LRRFIP2: variants seen among roughly 807,000 people sequenced by gnomAD.
LRRFIP2 encodes LRR binding FLII interacting protein 2, also known as leucine-rich repeat flightless-interacting protein 2.
In LRRFIP2, 109 loss-of-function variants were observed where a neutral mutation model predicts 125.9. The ratio of observed to expected loss-of-function variants is 0.87; its 90% CI spans 0.74 to 1.01. The LOEUF is 1.01. Among genes scored for constraint, LRRFIP2 ranks in the 50% least tolerant of loss-of-function variants. The pLI is 0.00. For synonymous variants in LRRFIP2, 291 were observed against 293.1 expected, an observed-to-expected ratio of 0.99 and a Z score of 0.07; for missense variants, 850 against 862.3, an observed-to-expected ratio of 0.99 and a Z score of 0.18.
At chr3:37,170,042 T>G (rs1207373115) in intron 1 of LRRFIP2, among the ~76,000 whole-genome samples, 1 of 152,088 alleles carries the variant, frequency 6.6e-6, no homozygotes, top group Non-Finnish European at 1.5e-5. Flanking sequence ...AAAGAAAAAC[T>G]AGTTTATTTT....
At chr3:37,103,238 T>G (rs1390670096) in intron 14 of LRRFIP2, among the ~76,000 whole-genome samples, 1 of 152,206 alleles carries the variant, frequency 6.6e-6, no homozygotes, top group Admixed American at 6.5e-5. Flanking sequence ...TTTACTCATC[T>G]TAACTAGAGT....
At chr3:37,090,311 C>A (rs1160125505) in intron 18 of LRRFIP2, among the ~76,000 whole-genome samples, 1 of 152,160 alleles carries the variant, frequency 6.6e-6, no homozygotes, top group East Asian at 1.9e-4. Flanking sequence ...TCACTGCAAC[C>A]TCCACCTTCC....
intron 18 of LRRFIP2, among the ~76,000 whole-genome samples, chr3:37,090,053 G>T (rs144745824): frequency 2.0e-5 from 3 of 152,264 alleles, no homozygotes; most frequent in African/African-American, 7.2e-5. Flanking sequence ...CATATCACTT[G>T]CATGAAGAGT....
intron 14 of LRRFIP2, among the ~76,000 whole-genome samples, chr3:37,103,907 C>T (rs1009285261): frequency 2.6e-5 from 4 of 152,094 alleles, no homozygotes; most frequent in Admixed American, 2.6e-4. Flanking sequence ...TTGAATACAA[C>T]AGGTACTCCA....
At position 37,121,672 on chromosome 3, in the gene LRRFIP2, C is replaced by G; in HGVS notation, c.248G>C (p.Arg83Thr). ...ATGGTGACTGGACCGGTGGGAATACCTGGCCCTTTCCGAATCTTCCTGGGA... is the reference window on the plus strand; with the variant it reads ...ATGGTGACTGGACCGGTGGGAATACGTGGCCCTTTCCGAATCTTCCTGGGA... ...QKWLEDSERA[R>T]YSHRSSHHRP... is the part of the protein sequence containing the mutation. Residue 83 changes from arginine to threonine, a missense_variant, in exon 5 of 28, where the codon AGG (arginine) becomes ACG (threonine). Coordinates refer to ENST00000336686, the MANE Select transcript of LRRFIP2 (RefSeq NM_006309.4). 1.2e-6 allele frequency: 2 copies of G among 1,614,084 alleles called. No homozygotes were observed. The highest frequency in any genetic ancestry group is 1.7e-6 in the Non-Finnish European group (2 of 1,179,992).
intron 15 of LRRFIP2, among the ~76,000 whole-genome samples, chr3:37,096,892 G>T (rs1164718209): frequency 1.3e-5 from 2 of 151,952 alleles, no homozygotes; most frequent in African/African-American, 4.8e-5. Context: ...CAAAAGTTTA[G>T]AACTTTTGGG....
At chr3:37,088,590 C>A (rs1385373026) in intron 18 of LRRFIP2, among the ~76,000 whole-genome samples, 5 of 150,504 alleles carry the variant, frequency 3.3e-5, no homozygotes, top group African/African-American at 1.2e-4. Context: ...AGCGGGAGAA[C>A]TGCTTGAGCC....
At chr3:37,168,571 A>G (rs2096541191) in intron 1 of LRRFIP2, among the ~76,000 whole-genome samples, 2 of 152,210 alleles carry the variant, frequency 1.3e-5, no homozygotes, top group African/African-American at 4.8e-5. Flanking sequence ...ATGATGAAAA[A>G]GTTAGGGAGA....
chr3:37,166,626 G>A (rs557037872), intron 1 of LRRFIP2, among the ~76,000 whole-genome samples: 2 of 152,306 alleles, frequency 1.3e-5, no homozygotes, highest in South Asian at 2.1e-4. Flanking sequence ...GGGAGGCTGA[G>A]GCAGGAGTAT....
At chr3:37,172,711 A>G (rs1442541238) in intron 1 of LRRFIP2, 1 of 152,180 alleles carries the variant, frequency 6.6e-6, no homozygotes, top group Non-Finnish European at 1.5e-5. Context: ...TTCCCTATGA[A>G]GTGGAATTAT....
At chr3:37,167,348 T>C (rs1207438998) in intron 1 of LRRFIP2, among the ~76,000 whole-genome samples, 1 of 151,994 alleles carries the variant, frequency 6.6e-6, no homozygotes, top group East Asian at 1.9e-4. Context: ...TTTTTTTGTG[T>C]TAGAAAACAG....
At chr3:37,097,654 T>G (rs889947337) in intron 15 of LRRFIP2, among the ~76,000 whole-genome samples, 3 of 152,166 alleles carry the variant, frequency 2.0e-5, no homozygotes, top group African/African-American at 7.2e-5. Flanking sequence ...ACAATTAAAT[T>G]AACCTATCTT....
intron 24 of LRRFIP2, among the ~76,000 whole-genome samples, chr3:37,062,012 G>A (rs1053401144): frequency 9.2e-5 from 14 of 152,058 alleles, no homozygotes. Flanking sequence ...ATGTGTTCCT[G>A]AATATCTCCC....
At chr3:37,098,388 C>CTTTT (rs200770177) in intron 15 of LRRFIP2, among the ~76,000 whole-genome samples, 2 of 142,946 alleles carry the variant, frequency 1.4e-5, no homozygotes, top group Admixed American at 7.0e-5. Context: ...AATTTTTTTT[C>CTTTT]TTTTTTTTCT....
rs142546683 is a variant in LRRFIP2 at position 37,158,669 on chromosome 3, C to T, written c.-55-9631G>A. On this transcript the variant is annotated intron_variant, in intron 1 of 27. Transcript: ENST00000336686. ...AAAAGACTAGAAGTATTAGAAAGAA[C>T]AATATAAGCCTAGGTAGCAAAGAAC... 4.6e-3 allele frequency among the ~76,000 whole-genome samples: 678 copies of T among 148,764 alleles called. 4 individuals carry two copies. The highest frequency in any genetic ancestry group is 0.035 in the Middle Eastern group (10 of 286).
In LRRFIP2 at chr3:37,053,974, A is replaced by T. The variant is rs2086065083; in HGVS notation, c.2056-13T>A. ...GTGCTGTTCGTAACTGGAGACAGGGAGAATGCAGTCACTACATGTGGTCAG... is the reference window on the plus strand; with the variant it reads ...GTGCTGTTCGTAACTGGAGACAGGGTGAATGCAGTCACTACATGTGGTCAG... On this transcript the variant is annotated splice_polypyrimidine_tract_variant and intron_variant, in intron 27 of 27. Transcript: ENST00000336686. The T allele has an allele frequency of 6.9e-7, 1 of 1,459,380 alleles. No individual in the cohort carries two copies. The highest frequency in any genetic ancestry group is 9.6e-7 in the Non-Finnish European group (1 of 1,038,722). The allele number at this position is 1,459,380 out of a possible 1,614,324, so 90.4% of individuals were successfully genotyped here. A position where few individuals can be genotyped will look rare whatever the true frequency, so the allele number is the denominator to read the frequency against.
rs115643586 is a variant in LRRFIP2 at position 37,127,622 on chromosome 3, T to G, written c.228+8A>C. 1,277 of 1,613,548 alleles carry G rather than the reference T, an allele frequency of 7.9e-4. 12 individuals carry two copies. In the African/African-American group the frequency reaches 0.015, roughly 19 times the overall value. On this transcript the variant is annotated splice_region_variant and intron_variant, in intron 4 of 27. Transcript: ENST00000336686. ...TCACAACATGCAGGACAGGCAATAC[T>G]GGCCTACCAGCCACTTCTGAATCTG...
intron 1 of LRRFIP2, among the ~76,000 whole-genome samples, chr3:37,151,754 T>G (rs773106061): frequency 6.6e-6 from 1 of 152,098 alleles, no homozygotes; most frequent in Non-Finnish European, 1.5e-5. Flanking sequence ...TATGCCACCA[T>G]GCCCAGCGAA....
chr3:37,126,055 G>A (rs2095261943), intron 4 of LRRFIP2, among the ~76,000 whole-genome samples: 1 of 151,974 alleles, frequency 6.6e-6, no homozygotes, highest in Non-Finnish European at 1.5e-5. Flanking sequence ...TTGAGACACA[G>A]TCTCACTCTG....
Sources: allele counts gnomAD v4.1 joint callset (sites outside exome capture counted in the v4.1 genomes callset), GRCh38; gene constraint gnomAD v4.1.1; transcripts MANE v1.5; gene names NCBI Gene and HGNC (gene_info 2026-07-23, HGNC 2026-07-21).